Variants in GPI observed in about 807,000 individuals in gnomAD.
The protein encoded by GPI is glucose-6-phosphate isomerase, also known as D-hexose-6-phosphate anomerase.
Under a neutral mutation model 75.8 loss-of-function variants are expected in GPI, and 56 were observed. The observed-to-expected ratio is 0.74, with a 90% CI of 0.60 to 0.92. The LOEUF (loss-of-function observed/expected upper bound fraction) is 0.92. Among genes scored for constraint, GPI ranks in the 40% least tolerant of loss-of-function variants. GPI has a pLI of 0.00. For synonymous variants in GPI, 288 were observed against 285.4 expected (o/e 1.01, Z -0.09); for missense variants, 638 against 741.0 (o/e 0.86, Z 1.61).
At chr19:34,366,573 G>T in intron 2 of GPI, 138 bp downstream of exon 2, 1 of 777,690 alleles carries the variant, frequency 1.3e-6, no homozygotes, top group Non-Finnish European at 2.3e-6. Flanking sequence ...GTGCTGGTGA[G>T]GCACCTGTCC....
At chr19:34,381,218 C>T (rs2074645727) in intron 8 of GPI, 2 of 578,894 alleles carry the variant, frequency 3.5e-6, no homozygotes, top group Non-Finnish European at 3.1e-6. Context: ...CTGCCCTCAG[C>T]AGGGGGCTTT....
At chr19:34,379,792 C>G (rs192214891) in intron 8 of GPI, 541 of 638,478 alleles carry the variant, frequency 8.5e-4, no homozygotes, top group Non-Finnish European at 1.3e-3. Flanking sequence ...TCACGATAAC[C>G]CCTTCTTCCG....
chr19:34,396,785 A>T, intron 14 of GPI, 128 bp downstream of exon 14: 1 of 756,106 alleles, frequency 1.3e-6, no homozygotes, highest in Non-Finnish European at 2.3e-6. Context: ...GATAACAAAC[A>T]TGGAGGCTTA....
Position 34,377,899 on chromosome 19 carries a change from T to C in GPI, c.633+18T>C, listed in dbSNP as rs1250625494. The C allele has an allele frequency of 6.2e-7, 1 of 1,613,930 alleles. No homozygotes were observed. The highest frequency in any genetic ancestry group is 2.2e-5 in the East Asian group (1 of 44,878). On this transcript the variant is annotated intron_variant, in intron 6 of 17. Coordinates refer to ENST00000356487, the MANE Select transcript of GPI (RefSeq NM_000175.5). ...CCTCCAAGGTATGAGTGCCGAAAACTGCCCGGCCCCTGGCCCTGTGTGTGT... is the reference window on the plus strand; with the variant it reads ...CCTCCAAGGTATGAGTGCCGAAAACCGCCCGGCCCCTGGCCCTGTGTGTGT...
chr19:34,369,947 G>A (rs1173403942), intron 4 of GPI, among the ~76,000 whole-genome samples: 2 of 152,160 alleles, frequency 1.3e-5, no homozygotes, highest in Non-Finnish European at 2.9e-5. Context: ...AAATAGAAAA[G>A]TTTTCCTGTG....
intron 2 of GPI, 40 bp from the exon 3 acceptor site, chr19:34,366,743 A>G (rs966556445): frequency 6.9e-7 from 1 of 1,444,910 alleles, no homozygotes; most frequent in Non-Finnish European, 9.7e-7. Context: ...TGGGGTGGCC[A>G]GTGTGGGTGG....
chr19:34,370,486 AG>A (rs1274747304), intron 4 of GPI, among the ~76,000 whole-genome samples: 1 of 152,154 alleles, frequency 6.6e-6, no homozygotes, highest in Non-Finnish European at 1.5e-5. Flanking sequence ...TGGGAGGCTG[AG>A]GCAGGTGGAT....
Position 34,393,943 on chromosome 19 carries a change from G to C in GPI, c.939G>C (p.Glu313Asp), listed in dbSNP as rs1421461081. 7 of 1,613,624 alleles carry C rather than the reference G, an allele frequency of 4.3e-6. No homozygotes were observed. In the African/African-American group the frequency reaches 9.3e-5, roughly 22 times the overall value. Reference sequence around the variant, plus strand: ...AGCACTTCCGCACGACGCCCCTGGAGAAGAACGCCCCCGTCTTGCTGGCCC... The same window carrying C: ...AGCACTTCCGCACGACGCCCCTGGACAAGAACGCCCCCGTCTTGCTGGCCC... ...MDQHFRTTPL[E>D]KNAPVLLALL... Residue 313 changes from glutamate to aspartate, a missense_variant, in exon 12 of 18, where the codon GAG (glutamate) becomes GAC (aspartate). By Grantham distance (45) the Glu-to-Asp change is conservative (BLOSUM62 2). Coordinates refer to ENST00000356487, the MANE Select transcript of GPI (RefSeq NM_000175.5). The surrounding 1 kb of genome is among the most constrained non-coding windows in gnomAD (Gnocchi z 4.4).
intron 9 of GPI, among the ~76,000 whole-genome samples, chr19:34,383,248 G>T (rs2074682731): frequency 6.6e-6 from 1 of 152,334 alleles, no homozygotes; most frequent in African/African-American, 2.4e-5. Flanking sequence ...AGCAGAGCCA[G>T]AGCAGGTCCA....
chr19:34,371,647 A>G (rs2074454850), intron 4 of GPI, among the ~76,000 whole-genome samples: 2 of 151,810 alleles, frequency 1.3e-5, no homozygotes, highest in Admixed American at 6.6e-5. Flanking sequence ...TCAGGAGTTC[A>G]AGACAAGCCT....
intron 4 of GPI, among the ~76,000 whole-genome samples, chr19:34,373,971 A>C (rs545792630): frequency 1.3e-5 from 2 of 151,220 alleles, no homozygotes; most frequent in South Asian, 2.1e-4. Flanking sequence ...TCTTTTTTTT[A>C]TTTTTATTTT....
intron 4 of GPI, among the ~76,000 whole-genome samples, chr19:34,373,918 G>A (rs1207393149): frequency 6.6e-6 from 1 of 152,164 alleles, no homozygotes; most frequent in Non-Finnish European, 1.5e-5. Context: ...TAAGGCAGAT[G>A]CCTGGAGGTC....
At chr19:34,378,172 C>T (rs530401480) in intron 6 of GPI, among the ~76,000 whole-genome samples, 2 of 152,082 alleles carry the variant, frequency 1.3e-5, no homozygotes, top group Non-Finnish European at 2.9e-5. Flanking sequence ...TTCTTACAAA[C>T]CTGTCCTTTA....
At position 34,381,530 on chromosome 19, in the gene GPI, G is replaced by A. The variant is rs746980392; in HGVS notation, c.804+11G>A. 6.4e-7 allele frequency: 1 copy of A among 1,566,950 alleles called. No homozygotes were observed. Among genetic ancestry groups the A allele is most frequent in the Non-Finnish European group, 8.8e-7 (1 of 1,137,352 alleles). On this transcript the variant is annotated intron_variant, in intron 9 of 17. Coordinates refer to ENST00000356487, the MANE Select transcript of GPI (RefSeq NM_000175.5). ...TTCGAGTTCTGGGATGTAAGTACAA[G>A]CACTTCTGCACTGGGTGAATTAAGT... is the stretch of plus-strand genomic sequence containing the variant.
At chr19:34,395,243 T>C (rs541188773) in intron 12 of GPI, among the ~76,000 whole-genome samples, 1 of 152,142 alleles carries the variant, frequency 6.6e-6, no homozygotes, top group East Asian at 1.9e-4. Context: ...AAGGCTGTAC[T>C]CTTAGCCAGG....
intron 9 of GPI, among the ~76,000 whole-genome samples, chr19:34,386,107 G>C (rs1241595285): frequency 1.3e-5 from 2 of 151,102 alleles, no homozygotes; most frequent in African/African-American, 4.9e-5. Flanking sequence ...GGTATGGTCT[G>C]AAGAGCCAGG....
intron 9 of GPI, among the ~76,000 whole-genome samples, chr19:34,391,272 G>T (rs1599846042): frequency 6.8e-6 from 1 of 147,224 alleles, no homozygotes; most frequent in South Asian, 2.2e-4. Context: ...TGAGGATCTG[G>T]GTCTGTCCAT....
intron 2 of GPI, 126 bp downstream of exon 2, chr19:34,366,561 C>T (rs886634169): frequency 1.3e-6 from 1 of 797,094 alleles, no homozygotes; most frequent in Non-Finnish European, 2.3e-6. Context: ...GTCACCTCCT[C>T]TGTGCTGGTG....
upstream of GPI, chr19:34,363,260 C>G (rs187691999): frequency 1.3e-4 from 19 of 151,974 alleles, no homozygotes; most frequent in East Asian, 2.9e-3. Context: ...GAGACAAGAT[C>G]GTGTCACTGC....
Sources: gnomAD v4.1 joint callset for allele counts (sites outside exome capture counted in the v4.1 genomes callset) on GRCh38, gnomAD v4.1.1 for gene constraint, Gnocchi (gnomAD v3.1) non-coding constraint, MANE v1.5 for transcripts, NCBI Gene and HGNC (gene_info 2026-07-23, HGNC 2026-07-21) for gene names.